MTHFD2L: variants seen among roughly 807,000 people sequenced by gnomAD.
The protein encoded by MTHFD2L is methylenetetrahydrofolate dehydrogenase (NADP+ dependent) 2 like, also known as bifunctional methylenetetrahydrofolate dehydrogenase/cyclohydrolase 2, mitochondrial.
MTHFD2L carries 29 observed loss-of-function variants against 34.9 expected under a neutral mutation model. The ratio of observed to expected loss-of-function variants is 0.83; its 90% CI spans 0.62 to 1.13. The LOEUF (loss-of-function observed/expected upper bound fraction) is 1.13, where lower values mean the gene tolerates loss of function less well. Among genes scored for constraint, MTHFD2L ranks in the 50% most tolerant of loss-of-function variants. The pLI, the probability that MTHFD2L is intolerant of heterozygous loss-of-function variation, is 0.00. For synonymous variants in MTHFD2L, 167 were observed against 155.7 expected (o/e 1.07, Z -0.54); for missense variants, 481 against 446.5 (o/e 1.08, Z -0.70).
chr4:74,293,785 TG>T (rs1749298981), intron 7 of MTHFD2L: 1 of 152,270 alleles, frequency 6.6e-6, no homozygotes, highest in Non-Finnish European at 1.5e-5. Flanking sequence ...TTTTTCTGGT[TG>T]TTATTCCTGT....
intron 4 of MTHFD2L, among the ~76,000 whole-genome samples, chr4:74,200,686 T>C (rs1465835170): frequency 6.6e-6 from 1 of 152,192 alleles, no homozygotes; most frequent in East Asian, 1.9e-4. Flanking sequence ...CCTAGAATCA[T>C]ACTCCTACAC....
At chr4:74,293,355 TGACCA>T (rs1323390428) in intron 7 of MTHFD2L, 3 of 173,818 alleles carry the variant, frequency 1.7e-5, no homozygotes. Flanking sequence ...ATAATACAGA[TGACCA>T]GATATATACA....
intron 7 of MTHFD2L, among the ~76,000 whole-genome samples, chr4:74,300,889 C>T (rs1362114155): frequency 6.6e-6 from 1 of 152,040 alleles, no homozygotes; most frequent in East Asian, 1.9e-4. Context: ...TATATTTGGA[C>T]AAATAATCTC....
chr4:74,201,341 A>G lies in MTHFD2L; in HGVS notation c.683A>G (p.His228Arg), dbSNP rs1267641192. The G allele has an allele frequency of 6.2e-7, 1 of 1,613,690 alleles. No homozygotes were observed. The highest frequency in any genetic ancestry group is 1.7e-5 in the Admixed American group (1 of 59,984). Residue 228 changes from histidine (H) to arginine (R), a missense_variant, in exon 5 of 8, where the codon CAC (histidine) becomes CGC (arginine). Coordinates refer to ENST00000325278, the MANE Select transcript of MTHFD2L (RefSeq NM_001144978.3). ...GGGATGCCTATTGCCATGCTTTTAC[A>G]CACTGATGGAGAGCATGAACGGCCA... ...NVGMPIAMLL[H>R]TDGEHERPGG... is the part of the protein sequence containing the mutation.
intron 6 of MTHFD2L, 81 bp downstream of exon 6, chr4:74,225,475 T>A: frequency 3.5e-6 from 4 of 1,150,462 alleles, no homozygotes; most frequent in Non-Finnish European, 5.2e-6. Context: ...GTTTGAAAGC[T>A]TTTTGAGAGA....
At chr4:74,217,619 C>T (rs1371797) in intron 5 of MTHFD2L, among the ~76,000 whole-genome samples, 98,327 of 151,434 alleles carry the variant, frequency 0.65, 34,306 homozygotes, top group Middle Eastern at 0.8. Flanking sequence ...GAGGTTCTAG[C>T]TCAGATTGGT....
intron 5 of MTHFD2L, among the ~76,000 whole-genome samples, chr4:74,213,877 C>T (rs1213661047): frequency 4.6e-5 from 7 of 151,978 alleles, no homozygotes; most frequent in Non-Finnish European, 5.9e-5. Context: ...TTCACATAGT[C>T]CCATATTTCT....
At chr4:74,276,398 C>T (rs1035765434) in intron 6 of MTHFD2L, among the ~76,000 whole-genome samples, 7 of 152,004 alleles carry the variant, frequency 4.6e-5, no homozygotes, top group Non-Finnish European at 1.0e-4. Context: ...TTGGTTCTCA[C>T]ATATAATGCT....
chr4:74,148,138 TG>T (rs1158427980), intron 1 of MTHFD2L, among the ~76,000 whole-genome samples: 2 of 152,066 alleles, frequency 1.3e-5, no homozygotes, highest in Admixed American at 6.5e-5. Context: ...CCACATCGAA[TG>T]ATATTGGCAC....
chr4:74,217,682 T>C (rs1312980995), intron 5 of MTHFD2L, among the ~76,000 whole-genome samples: 1 of 151,818 alleles, frequency 6.6e-6, no homozygotes, highest in Admixed American at 6.6e-5. Context: ...TTTGAAGATT[T>C]GCCTCATGGG....
chr4:74,159,908 G>A (rs1725038648), intron 1 of MTHFD2L: 1 of 232,478 alleles, frequency 4.3e-6, no homozygotes, highest in Non-Finnish European at 8.2e-6. Flanking sequence ...ATAAGGCGGG[G>A]GTTTTGACGC....
intron 6 of MTHFD2L, among the ~76,000 whole-genome samples, chr4:74,260,756 C>G (rs547533342): frequency 1.3e-5 from 2 of 152,086 alleles, no homozygotes; most frequent in African/African-American, 4.8e-5. Flanking sequence ...AATTTAAAAA[C>G]CTTTGTTCTA....
intron 6 of MTHFD2L, 141 bp from the exon 7 acceptor site, chr4:74,281,284 A>G (rs769283526): frequency 5.0e-6 from 4 of 794,098 alleles, no homozygotes; most frequent in South Asian, 4.7e-5. Context: ...ATCAGAAATC[A>G]TCAATGGCCT....
chr4:74,226,135 A>G (rs1026372826), intron 6 of MTHFD2L, among the ~76,000 whole-genome samples: 34 of 152,160 alleles, frequency 2.2e-4, no homozygotes, highest in African/African-American at 7.2e-4. Flanking sequence ...CATAAGTGGC[A>G]TTTCATAGAG....
chr4:74,294,050 G>A (rs1749329799), intron 7 of MTHFD2L, among the ~76,000 whole-genome samples: 1 of 152,072 alleles, frequency 6.6e-6, no homozygotes, highest in African/African-American at 2.4e-5. Flanking sequence ...TTATAGCATT[G>A]TGGAGAACTG....
chr4:74,282,404 G>GTTCTTCTTACAGAGTTCTC (rs139432497), intron 7 of MTHFD2L, among the ~76,000 whole-genome samples: 6,644 of 152,182 alleles, frequency 0.044, 442 homozygotes, highest in African/African-American at 0.15. Flanking sequence ...AGTTATAGGT[G>GTTCTTCTTACAGAGTTCTC]TGTCCTTCTT....
chr4:74,148,202 G>A (rs928198394), intron 1 of MTHFD2L, among the ~76,000 whole-genome samples: 3 of 151,788 alleles, frequency 2.0e-5, no homozygotes, highest in African/African-American at 7.3e-5. Flanking sequence ...TAAGCTCTTT[G>A]GTCTGTAAGT....
chr4:74,200,894 G>A (rs1020168), intron 4 of MTHFD2L, among the ~76,000 whole-genome samples: 5,218 of 152,124 alleles, frequency 0.034, 280 homozygotes, highest in Admixed American at 0.12. Flanking sequence ...TTGTTCCAGC[G>A]TTGCTCAAAA....
chr4:74,276,415 C>T (rs1359407200), intron 6 of MTHFD2L, among the ~76,000 whole-genome samples: 1 of 151,908 alleles, frequency 6.6e-6, no homozygotes, highest in Non-Finnish European at 1.5e-5. Flanking sequence ...TGCTTGAGCC[C>T]TCAAATTATG....
Sources: allele counts gnomAD v4.1 joint callset (sites outside exome capture counted in the v4.1 genomes callset), GRCh38; gene constraint gnomAD v4.1.1; transcripts MANE v1.5; gene names NCBI Gene and HGNC (gene_info 2026-07-23, HGNC 2026-07-21).